The following MACROD2 variants were observed in gnomAD, a reference collection of about 807,000 sequenced individuals.
MACROD2 encodes the protein mono-ADP ribosylhydrolase 2, also known as ADP-ribose glycohydrolase MACROD2.
A neutral mutation model predicts 70.4 loss-of-function variants in MACROD2; 36 were observed. That is an observed-to-expected ratio of 0.51 (90% CI 0.39 to 0.68). The LOEUF (loss-of-function observed/expected upper bound fraction) is 0.68. Among genes scored for constraint, MACROD2 ranks in the 30% least tolerant of loss-of-function variants. MACROD2 has a pLI of 0.00. For synonymous variants in MACROD2, 172 were observed against 178.8 expected, an observed-to-expected ratio of 0.96 and a Z score of 0.30; for missense variants, 496 against 538.4, an observed-to-expected ratio of 0.92 and a Z score of 0.78.
At chr20:14,180,598 C>T (rs2081297874) in intron 3 of MACROD2, among the ~76,000 whole-genome samples, 2 of 151,848 alleles carry the variant, frequency 1.3e-5, no homozygotes, top group Admixed American at 1.3e-4. Context: ...TCTTTTCAGT[C>T]TAAGAGTAAT....
chr20:14,206,452 T>G (rs2081523779), intron 3 of MACROD2, among the ~76,000 whole-genome samples: 1 of 152,230 alleles, frequency 6.6e-6, no homozygotes, highest in South Asian at 2.1e-4. Flanking sequence ...AAATATTTAT[T>G]GAGCATCAAG....
chr20:15,506,792 C>T (rs756928784), intron 8 of MACROD2, among the ~76,000 whole-genome samples: 1 of 152,206 alleles, frequency 6.6e-6, no homozygotes, highest in Non-Finnish European at 1.5e-5. Context: ...TCCTCCAATT[C>T]TATGCAATGC....
At chr20:15,691,013 CA>C (rs1448469824) in intron 8 of MACROD2, among the ~76,000 whole-genome samples, 1 of 152,098 alleles carries the variant, frequency 6.6e-6, no homozygotes, top group Non-Finnish European at 1.5e-5. Context: ...ATGCAGGCCC[CA>C]AAAGATTAAG....
intron 5 of MACROD2, among the ~76,000 whole-genome samples, chr20:15,208,265 A>T (rs1291016522): frequency 6.6e-6 from 1 of 151,944 alleles, no homozygotes; most frequent in East Asian, 1.9e-4. Flanking sequence ...TAAAATTTTC[A>T]TTTGGTTCTT....
In MACROD2 at chr20:15,630,096, T is replaced by C. The variant is rs459757; in HGVS notation, c.645+130249T>C. 9.6e-3 allele frequency among the ~76,000 whole-genome samples: 1,464 copies of C among 152,252 alleles called. 14 individuals are homozygous for C. Among genetic ancestry groups the C allele is most frequent in the Middle Eastern group, 0.027 (8 of 294 alleles). Reference sequence around the variant, plus strand: ...GTGCTTCCGGTCCTGCTTTTGATGATGACGATAGAGGAGATAGTAGTATCT... The same window carrying C: ...GTGCTTCCGGTCCTGCTTTTGATGACGACGATAGAGGAGATAGTAGTATCT... On this transcript the variant is annotated intron_variant, in intron 8 of 17. Transcript: ENST00000684519.
intron 3 of MACROD2, among the ~76,000 whole-genome samples, chr20:14,434,027 A>C (rs561633900): frequency 1.6e-4 from 25 of 152,242 alleles, no homozygotes; most frequent in Middle Eastern, 3.4e-3. Flanking sequence ...GGATTTTCTA[A>C]ATATTTAAAG....
chr20:15,747,688 A>T (rs945466967), intron 8 of MACROD2, among the ~76,000 whole-genome samples: 1 of 151,546 alleles, frequency 6.6e-6, no homozygotes, highest in African/African-American at 2.4e-5. Context: ...TATTTCCAGA[A>T]TTTTTTTTTG....
chr20:15,016,927 G>A (rs1240519308), intron 5 of MACROD2, among the ~76,000 whole-genome samples: 2 of 152,138 alleles, frequency 1.3e-5, no homozygotes, highest in African/African-American at 4.8e-5. Context: ...CAACAAGTGG[G>A]AATTCTGGGA....
intron 8 of MACROD2, among the ~76,000 whole-genome samples, chr20:15,507,318 CCCTT>C (rs1214837979): frequency 2.0e-5 from 3 of 151,450 alleles, no homozygotes; most frequent in Non-Finnish European, 2.9e-5. Context: ...CTTCCTCCCT[CCCTT>C]CCTGCTTCTC....
chr20:15,036,993 T>C (rs904551704), intron 5 of MACROD2, among the ~76,000 whole-genome samples: 1 of 151,934 alleles, frequency 6.6e-6, no homozygotes, highest in South Asian at 2.1e-4. Context: ...ACTATAAAAA[T>C]TATGTTTTTA....
intron 5 of MACROD2, among the ~76,000 whole-genome samples, chr20:14,732,852 C>T (rs2123705583): frequency 6.6e-6 from 1 of 152,214 alleles, no homozygotes; most frequent in Admixed American, 6.5e-5. Context: ...TGCACTTTGT[C>T]CTCTTGTTAA....
intron 5 of MACROD2, among the ~76,000 whole-genome samples, chr20:15,217,800 A>C (rs181201383): frequency 4.3e-4 from 65 of 152,250 alleles, no homozygotes; most frequent in Non-Finnish European, 8.2e-4. Flanking sequence ...CCTGATACTC[A>C]TCAAAGCCTG....
intron 8 of MACROD2, among the ~76,000 whole-genome samples, chr20:15,758,849 G>C (rs569009212): frequency 6.6e-6 from 1 of 151,422 alleles, no homozygotes; most frequent in Non-Finnish European, 1.5e-5. Flanking sequence ...GGCCTAATTC[G>C]GTTTATTAAA....
intron 5 of MACROD2, among the ~76,000 whole-genome samples, chr20:14,928,095 C>T (rs716316): frequency 0.33 from 50,734 of 152,144 alleles, 8,950 homozygotes; most frequent in South Asian, 0.56. Context: ...GAAACATGGA[C>T]GCCATACTAA....
intron 3 of MACROD2, among the ~76,000 whole-genome samples, chr20:14,121,387 TTTTCC>T (rs750332173): frequency 1.3e-5 from 2 of 152,182 alleles, no homozygotes; most frequent in Non-Finnish European, 2.9e-5. Flanking sequence ...TACTCACTTC[TTTTCC>T]TTTCCTTGAT....
At chr20:15,854,461 G>A (rs2064335308) in intron 8 of MACROD2, among the ~76,000 whole-genome samples, 1 of 152,166 alleles carries the variant, frequency 6.6e-6, no homozygotes, top group Non-Finnish European at 1.5e-5. Context: ...CTTGGAAGAG[G>A]ATTCCAAGCC....
intron 3 of MACROD2, among the ~76,000 whole-genome samples, chr20:14,299,747 CT>C (rs1362773317): frequency 4.6e-5 from 7 of 152,082 alleles, no homozygotes; most frequent in Non-Finnish European, 8.8e-5. Context: ...TGCAAAGTAC[CT>C]TTCAGTGTAG....
chr20:15,403,363 C>G (rs1442845172), intron 6 of MACROD2, among the ~76,000 whole-genome samples: 1 of 151,608 alleles, frequency 6.6e-6, no homozygotes, highest in Non-Finnish European at 1.5e-5. Context: ...TTGGCATATC[C>G]AAGTGTGTTT....
chr20:15,311,630 G>T (rs912484465), intron 6 of MACROD2, among the ~76,000 whole-genome samples: 3 of 152,198 alleles, frequency 2.0e-5, no homozygotes, highest in Admixed American at 1.3e-4. Flanking sequence ...CATGTCTCTT[G>T]CAGCAACATG....
Sources: allele counts gnomAD v4.1 joint callset (sites outside exome capture counted in the v4.1 genomes callset), GRCh38; gene constraint gnomAD v4.1.1; transcripts MANE v1.5; gene names NCBI Gene and HGNC (gene_info 2026-07-23, HGNC 2026-07-21).